The following RPS6KA2 variants were observed in gnomAD, a reference collection of about 807,000 sequenced individuals.
RPS6KA2 encodes ribosomal protein S6 kinase A2, also known as ribosomal protein S6 kinase alpha-2.
In RPS6KA2, 42 loss-of-function variants were observed where a neutral mutation model predicts 91.8. That is an observed-to-expected ratio of 0.46 (90% CI 0.36 to 0.59). The LOEUF is 0.59. RPS6KA2 is among the 20% of genes least tolerant of loss of function. The probability of loss-of-function intolerance (pLI) is 0.00; values close to 1 mark genes in which losing one functional copy is unlikely to be tolerated. For synonymous variants in RPS6KA2, 414 were observed against 393.6 expected, an observed-to-expected ratio of 1.05 and a Z score of -0.61; for missense variants, 798 against 978.5, an observed-to-expected ratio of 0.82 and a Z score of 2.46.
chr6:166,686,773 T>G (rs1024546954), intron 2 of RPS6KA2, among the ~76,000 whole-genome samples: 2 of 152,204 alleles, frequency 1.3e-5, no homozygotes, highest in East Asian at 3.8e-4. Flanking sequence ...AGGAGCTGTT[T>G]CCTGCACCAA....
At chr6:166,479,682 A>G (rs923281562) in intron 10 of RPS6KA2, among the ~76,000 whole-genome samples, 1 of 152,252 alleles carries the variant, frequency 6.6e-6, no homozygotes, top group Non-Finnish European at 1.5e-5. Flanking sequence ...AATCATAAAA[A>G]TAATACATAT....
intron 1 of RPS6KA2, among the ~76,000 whole-genome samples, chr6:166,621,083 G>C (rs76307815): frequency 2.0e-5 from 3 of 152,208 alleles, no homozygotes; most frequent in Non-Finnish European, 4.4e-5. Context: ...AGACTGGCTA[G>C]GGAGCATTCG....
At chr6:166,474,006 G>T (rs2128466668) in intron 10 of RPS6KA2, among the ~76,000 whole-genome samples, 1 of 150,416 alleles carries the variant, frequency 6.6e-6, no homozygotes, top group South Asian at 2.1e-4. Flanking sequence ...CCTTTGTCAG[G>T]GAGTCGCTCG....
At chr6:166,699,503 G>C (rs1789450053) in intron 2 of RPS6KA2, among the ~76,000 whole-genome samples, 1 of 152,146 alleles carries the variant, frequency 6.6e-6, no homozygotes, top group Non-Finnish European at 1.5e-5. Context: ...AATTCATCTT[G>C]AAATAAGAAT....
At chr6:166,530,246 G>A (rs1783218349) in intron 3 of RPS6KA2, among the ~76,000 whole-genome samples, 1 of 152,188 alleles carries the variant, frequency 6.6e-6, no homozygotes, top group African/African-American at 2.4e-5. Context: ...GCTCTGCCAA[G>A]TGTGCCCCCC....
rs139139255 is a variant in RPS6KA2, at chr6:166,726,891, G to A, written c.123+131309C>T. Among the ~76,000 whole-genome samples the A allele has an allele frequency of 2.2e-4, 34 of 152,256 alleles. No homozygotes were observed. The highest frequency in any genetic ancestry group is 7.7e-4 in the African/African-American group (32 of 41,548). On this transcript the variant is annotated intron_variant, in intron 2 of 21. Transcript: ENST00000503859. The surrounding 1 kb of genome is among the most constrained non-coding windows in gnomAD (Gnocchi z 4.4). ...AGGAATCCCAGGCCTGGAATCTACC[G>A]TCCTGGGTGCTGTCTCCTCCACCAC...
At chr6:166,657,144 C>T (rs538955841) in intron 2 of RPS6KA2, among the ~76,000 whole-genome samples, 4 of 152,228 alleles carry the variant, frequency 2.6e-5, no homozygotes, top group Admixed American at 2.6e-4. Flanking sequence ...GTCCCAGGAG[C>T]CACACGAGGA....
chr6:166,502,559 C>T (rs1210348373), intron 6 of RPS6KA2, among the ~76,000 whole-genome samples: 1 of 152,244 alleles, frequency 6.6e-6, no homozygotes, highest in Non-Finnish European at 1.5e-5. Context: ...GTCTAACACA[C>T]AGGCGTCAAC....
At chr6:166,466,865 TACTCATTCACTCACTC>T (rs1316899817) in intron 11 of RPS6KA2, among the ~76,000 whole-genome samples, 2 of 73,668 alleles carry the variant, frequency 2.7e-5, no homozygotes, top group African/African-American at 7.5e-5. Context: ...CTGACTCCCT[TACTCATTCACTCACTC>T]ACTCATTCAC....
chr6:166,419,450 T>C lies in RPS6KA2; in HGVS notation c.1820+432A>G, dbSNP rs1778648833. On this transcript the variant is annotated intron_variant, in intron 18 of 20. Coordinates refer to ENST00000265678, the MANE Select transcript of RPS6KA2 (RefSeq NM_021135.6). This position sits in a 1 kb window ranked among gnomAD's most constrained non-coding sequence, Gnocchi z 5.6. Reference sequence around the variant, plus strand: ...CCACTTTCTGTAACACCACGTGTCTTACCACAATGAACCGGCCCGTGCATG... The same window carrying C: ...CCACTTTCTGTAACACCACGTGTCTCACCACAATGAACCGGCCCGTGCATG... 6.6e-6 allele frequency among the ~76,000 whole-genome samples: 1 copy of C among 152,180 alleles called. No individual in the cohort carries two copies. The highest frequency in any genetic ancestry group is 1.5e-5 in the Non-Finnish European group (1 of 68,042).
At chr6:166,462,144 C>T (rs1780335950) in intron 11 of RPS6KA2, among the ~76,000 whole-genome samples, 1 of 152,238 alleles carries the variant, frequency 6.6e-6, no homozygotes, top group South Asian at 2.1e-4. Flanking sequence ...ACCCTTCCTG[C>T]CTTGTTTCTG....
intron 2 of RPS6KA2, among the ~76,000 whole-genome samples, chr6:166,728,435 A>G (rs940124674): frequency 2.6e-5 from 4 of 152,222 alleles, no homozygotes; most frequent in Non-Finnish European, 4.4e-5. Flanking sequence ...TGGATAAAAA[A>G]GAGTCACCCA....
At position 166,849,380 on chromosome 6, in the gene RPS6KA2, C is replaced by T. The variant is rs1329003623; in HGVS notation, c.123+8820G>A. On this transcript the variant is annotated intron_variant, in intron 2 of 21. Coordinates refer to the RPS6KA2 transcript ENST00000503859. The surrounding 1 kb of genome is among the most constrained non-coding windows in gnomAD (Gnocchi z 4.9). The stretch of plus-strand genomic sequence containing the variant: ...TCTTGTTGAGCTAGTTGTTTATTTG[C>T]GAGGATGCTAAAATATAAGATTCGT... 3.9e-5 allele frequency among the ~76,000 whole-genome samples: 6 copies of T among 152,126 alleles called. No individual in the cohort carries two copies. The highest frequency in any genetic ancestry group is 1.9e-4 in the East Asian group (1 of 5,194).
intron 12 of RPS6KA2, among the ~76,000 whole-genome samples, chr6:166,457,864 C>T (rs1780153482): frequency 6.6e-6 from 1 of 152,098 alleles, no homozygotes. Flanking sequence ...TGTGGTTGAC[C>T]ATATATTTGT....
intron 2 of RPS6KA2, among the ~76,000 whole-genome samples, chr6:166,750,940 C>T (rs1199265223): frequency 6.6e-6 from 1 of 152,240 alleles, no homozygotes; most frequent in African/African-American, 2.4e-5. Context: ...GCACAACTCT[C>T]TGAGGGGACA....
intron 2 of RPS6KA2, among the ~76,000 whole-genome samples, chr6:166,785,369 A>G (rs965335940): frequency 6.6e-6 from 1 of 152,202 alleles, no homozygotes; most frequent in Non-Finnish European, 1.5e-5. Context: ...CAGGTTTGAA[A>G]AGATGTGTAT....
rs527290241 is a variant in RPS6KA2, at chr6:166,457,578, G to T, written c.1075+1871C>A. Among the ~76,000 whole-genome samples, 8 of 152,294 alleles carry T rather than the reference G, an allele frequency of 5.3e-5. No homozygotes were observed. In the South Asian group the frequency reaches 8.3e-4, roughly 16 times the overall value. The stretch of plus-strand genomic sequence containing the variant: ...TAATTCTACCTGGGGACTGCAGGAT[G>T]ACCCAAAAGAAGTAACTGAGCAGCC... On this transcript the variant is annotated intron_variant, in intron 12 of 20. Coordinates refer to ENST00000265678, the MANE Select transcript of RPS6KA2 (RefSeq NM_021135.6).
In RPS6KA2 at chr6:166,665,260, A is replaced by G. The variant is rs1347031068; in HGVS notation, c.124-126476T>C. Among the ~76,000 whole-genome samples the G allele has an allele frequency of 6.6e-6, 1 of 152,170 alleles. No homozygotes were observed. The highest frequency in any genetic ancestry group is 1.5e-5 in the Non-Finnish European group (1 of 68,024). ...GATTTCATCCTCAGGTACACACACC[A>G]TGGTGTGACTTACAGGAGCACCCCG... On this transcript the variant is annotated intron_variant, in intron 2 of 21. Transcript: ENST00000503859. This position sits in a 1 kb window ranked among gnomAD's most constrained non-coding sequence, Gnocchi z 4.5.
In RPS6KA2 at chr6:166,770,191, T is replaced by C. The variant is rs1368247758; in HGVS notation, c.123+88009A>G. Among the ~76,000 whole-genome samples, 1 of 152,202 alleles carries C rather than the reference T, an allele frequency of 6.6e-6. No homozygotes were observed. Among genetic ancestry groups the C allele is most frequent in the African/African-American group, 2.4e-5 (1 of 41,438 alleles). On this transcript the variant is annotated intron_variant, in intron 2 of 21. Coordinates refer to the RPS6KA2 transcript ENST00000503859. The surrounding 1 kb of genome is among the most constrained non-coding windows in gnomAD (Gnocchi z 5.1). The stretch of plus-strand genomic sequence containing the variant: ...ACATGTGGCGTGACTACCGACTTAC[T>C]ACATTTCACCTGAGTGTTGCAGCCC...
Sources: gnomAD v4.1 joint callset for allele counts (sites outside exome capture counted in the v4.1 genomes callset) on GRCh38, gnomAD v4.1.1 for gene constraint, Gnocchi (gnomAD v3.1) non-coding constraint, MANE v1.5 for transcripts, NCBI Gene and HGNC (gene_info 2026-07-23, HGNC 2026-07-21) for gene names.